ZNF385D: variants seen among roughly 807,000 people sequenced by gnomAD.
ZNF385D encodes the protein zinc finger protein 659.
In ZNF385D, 15 loss-of-function variants were observed where a neutral mutation model predicts 35.8. That is an observed-to-expected ratio of 0.42 (90% CI 0.28 to 0.64). ZNF385D has a LOEUF of 0.64. ZNF385D is among the 30% of genes least tolerant of loss of function. ZNF385D has a pLI of 0.23. For missense variants in ZNF385D, 474 were observed against 494.6 expected, an observed-to-expected ratio of 0.96 and a Z score of 0.39; for synonymous variants, 212 against 186.8, an observed-to-expected ratio of 1.13 and a Z score of -1.10.
chr3:22,035,182 T>C (rs1265761699), intron 3 of ZNF385D, among the ~76,000 whole-genome samples: 6 of 152,186 alleles, frequency 3.9e-5, no homozygotes, highest in Non-Finnish European at 8.8e-5. Flanking sequence ...TATCATTTAG[T>C]TTGATCGCAA....
intron 3 of ZNF385D, among the ~76,000 whole-genome samples, chr3:21,775,464 GC>G (rs1440113750): frequency 6.6e-6 from 1 of 151,814 alleles, no homozygotes; most frequent in Non-Finnish European, 1.5e-5. Context: ...GGAAAGTACT[GC>G]TTTTATTGCT....
chr3:22,171,005 T>G (rs181044974), intron 2 of ZNF385D, among the ~76,000 whole-genome samples: 57 of 152,344 alleles, frequency 3.7e-4, no homozygotes, highest in African/African-American at 1.3e-3. Context: ...CAAACTTGAC[T>G]TAGAAAAAGT....
intron 2 of ZNF385D, among the ~76,000 whole-genome samples, chr3:21,566,544 C>T (rs565572350): frequency 8.5e-5 from 13 of 152,178 alleles, no homozygotes; most frequent in Admixed American, 5.2e-4. Context: ...GCAGGAGAAT[C>T]GCTTGAACCC....
intron 3 of ZNF385D, among the ~76,000 whole-genome samples, chr3:21,921,170 C>T (rs1700441080): frequency 7.1e-6 from 1 of 140,412 alleles, no homozygotes; most frequent in Admixed American, 7.6e-5. Flanking sequence ...TTGCAGTGAG[C>T]CGAGATCGCG....
At chr3:22,047,442 T>C (rs1699072228) in intron 3 of ZNF385D, among the ~76,000 whole-genome samples, 1 of 152,156 alleles carries the variant, frequency 6.6e-6, no homozygotes, top group Non-Finnish European at 1.5e-5. Context: ...TATTGTACTT[T>C]CTGCTTCTGT....
chr3:22,103,130 T>A (rs763465756), intron 3 of ZNF385D, among the ~76,000 whole-genome samples: 1 of 151,544 alleles, frequency 6.6e-6, no homozygotes, highest in South Asian at 2.1e-4. Context: ...TTTAATAAGA[T>A]GGATATTAGT....
In ZNF385D at chr3:21,419,279, T is replaced by C. The variant is rs938186306; in HGVS notation, c.*1935A>G. 1 of 152,472 alleles carries C rather than the reference T, an allele frequency of 6.6e-6. No individual in the cohort carries two copies. Among genetic ancestry groups the C allele is most frequent in the Non-Finnish European group, 1.5e-5 (1 of 68,088 alleles). 9.4% of individuals were successfully genotyped at this position (152,472 alleles called of 1,614,324 possible). A position where few individuals can be genotyped will look rare whatever the true frequency, so the allele number is the denominator to read the frequency against. Reference sequence around the variant, plus strand: ...TTTGTTTTGGTTGGTTAACAAAGGATATATAAAGCCAACTGCTTTAAAGAT... The same window carrying C: ...TTTGTTTTGGTTGGTTAACAAAGGACATATAAAGCCAACTGCTTTAAAGAT... On this transcript the variant is annotated 3_prime_UTR_variant, in exon 8 of 8. Transcript: ENST00000281523.
At chr3:21,514,231 A>T (rs917483073) in intron 3 of ZNF385D, among the ~76,000 whole-genome samples, 1 of 152,152 alleles carries the variant, frequency 6.6e-6, no homozygotes, top group African/African-American at 2.4e-5. Flanking sequence ...ACACCTGGGA[A>T]TTCTCAATAC....
At chr3:22,282,578 C>T (rs961501430) in intron 2 of ZNF385D, among the ~76,000 whole-genome samples, 12 of 151,764 alleles carry the variant, frequency 7.9e-5, no homozygotes, top group Non-Finnish European at 1.5e-4. Context: ...AATTTTATTC[C>T]ACTGTGGTCT....
chr3:22,081,702 C>A (rs1025745687), intron 3 of ZNF385D, among the ~76,000 whole-genome samples: 4 of 152,124 alleles, frequency 2.6e-5, no homozygotes, highest in Non-Finnish European at 5.9e-5. Context: ...AACCTTTCCA[C>A]GGCAGCCTTT....
At chr3:21,496,984 C>T (rs78336224) in intron 4 of ZNF385D, among the ~76,000 whole-genome samples, 3,739 of 152,042 alleles carry the variant, frequency 0.025, 111 homozygotes, top group East Asian at 0.13. Flanking sequence ...CCTTGAGAAC[C>T]GAAACAAGAC....
chr3:21,671,319 T>C (rs2066570205), intron 1 of ZNF385D, among the ~76,000 whole-genome samples: 1 of 152,076 alleles, frequency 6.6e-6, no homozygotes. Flanking sequence ...AAGAATATCA[T>C]CATTCTTCAG....
At chr3:21,491,450 C>T (rs1334020294) in intron 4 of ZNF385D, among the ~76,000 whole-genome samples, 1 of 151,928 alleles carries the variant, frequency 6.6e-6, no homozygotes. Context: ...AAGAAAAAAA[C>T]CCTGCCTACT....
intron 2 of ZNF385D, among the ~76,000 whole-genome samples, chr3:22,304,831 C>G (rs902470934): frequency 6.6e-6 from 1 of 152,070 alleles, no homozygotes; most frequent in Non-Finnish European, 1.5e-5. Flanking sequence ...CTTGCTTTCC[C>G]CTATTTCAAT....
At chr3:22,079,996 G>T (rs1305414010) in intron 3 of ZNF385D, among the ~76,000 whole-genome samples, 2 of 151,968 alleles carry the variant, frequency 1.3e-5, no homozygotes, top group Non-Finnish European at 2.9e-5. Context: ...TTAAATATAT[G>T]TTCAGAGAAA....
At chr3:22,006,581 C>T (rs1048718427) in intron 3 of ZNF385D, among the ~76,000 whole-genome samples, 14 of 151,442 alleles carry the variant, frequency 9.2e-5, no homozygotes, top group African/African-American at 3.4e-4. Context: ...GGAAAATGGA[C>T]AATAAAGTAT....
intron 3 of ZNF385D, among the ~76,000 whole-genome samples, chr3:21,962,850 G>C (rs948574956): frequency 6.6e-6 from 1 of 152,154 alleles, no homozygotes; most frequent in African/African-American, 2.4e-5. Context: ...ATTAAACAAA[G>C]TTAAAATTGA....
At chr3:21,513,920 G>A (rs1707392809) in intron 3 of ZNF385D, among the ~76,000 whole-genome samples, 1 of 152,072 alleles carries the variant, frequency 6.6e-6, no homozygotes, top group Admixed American at 6.6e-5. Flanking sequence ...AACCCAGCAA[G>A]TCTCCTTATC....
chr3:21,810,504 C>G (rs1043696655), intron 3 of ZNF385D, among the ~76,000 whole-genome samples: 1 of 151,730 alleles, frequency 6.6e-6, no homozygotes, highest in African/African-American at 2.4e-5. Context: ...CACATGTACC[C>G]TAGAACTTAA....
Sources: gnomAD v4.1 joint callset for allele counts (sites outside exome capture counted in the v4.1 genomes callset) on GRCh38, gnomAD v4.1.1 for gene constraint, MANE v1.5 for transcripts, NCBI Gene and HGNC (gene_info 2026-07-23, HGNC 2026-07-21) for gene names.